The following SLC7A7 variants were observed in gnomAD, a reference collection of about 807,000 sequenced individuals.
The protein encoded by SLC7A7 is solute carrier family 7 member 7, also known as Y+L amino acid transporter 1.
In SLC7A7, 39 loss-of-function variants were observed where a neutral mutation model predicts 47.9. The observed-to-expected ratio is 0.81, with a 90% CI of 0.63 to 1.06. The LOEUF (loss-of-function observed/expected upper bound fraction) is 1.06. SLC7A7 is among the 50% of genes least tolerant of loss of function. SLC7A7 has a pLI of 0.00. For synonymous variants in SLC7A7, 234 were observed against 242.8 expected (o/e 0.96, Z 0.34); for missense variants, 588 against 632.0 (o/e 0.93, Z 0.75).
rs753674829 is a variant in SLC7A7 at position 22,806,118 on chromosome 14, CAA to C, written c.499+6780_499+6781del. 2.4e-3 allele frequency among the ~76,000 whole-genome samples: 162 copies of C among 66,222 alleles called. 1 individual carries two copies. The highest frequency in any genetic ancestry group is 4.9e-3 in the African/African-American group (72 of 14,706). 43.4% of individuals were successfully genotyped at this position (66,222 alleles called of 152,430 possible). On this transcript the variant is annotated intron_variant, in intron 2 of 9. Transcript: ENST00000674313. ...CTACTGACATAGCGAGACTCTGTCT[CAA>C]AAAAAAAAAAAAAAAAAAAACTGTA...
At chr14:22,816,932 C>A (rs1200733041), upstream of SLC7A7, among the ~76,000 whole-genome samples, 2 of 151,992 alleles carry the variant, frequency 1.3e-5, no homozygotes, top group Non-Finnish European at 1.5e-5. Context: ...GGAGGAGACT[C>A]TCCTTTTCTC....
At chr14:22,788,572 C>T (rs6572752) in intron 2 of SLC7A7, among the ~76,000 whole-genome samples, 79,042 of 151,350 alleles carry the variant, frequency 0.52, 21,436 homozygotes, top group East Asian at 0.96. Flanking sequence ...GGCGTGGTGG[C>T]GGGCACCTGT....
chr14:22,773,754 C>T, intron 9 of SLC7A7, 38 bp from the exon 10 acceptor site: 1 of 1,602,716 alleles, frequency 6.2e-7, no homozygotes, highest in Non-Finnish European at 8.5e-7. Context: ...GAGAAGAGGT[C>T]AGCTGGGCTG....
chr14:22,782,834 C>T (rs1424690809), intron 2 of SLC7A7, among the ~76,000 whole-genome samples: 1 of 151,768 alleles, frequency 6.6e-6, no homozygotes, highest in African/African-American at 2.4e-5. Context: ...GAAATCATAG[C>T]TCACTGCAGC....
intron 2 of SLC7A7, among the ~76,000 whole-genome samples, chr14:22,788,176 AC>A (rs1381586810): frequency 6.6e-6 from 1 of 152,186 alleles, no homozygotes; most frequent in Non-Finnish European, 1.5e-5. Context: ...TATTCAGCCA[AC>A]TAAGAATCTA....
At chr14:22,781,064 T>C (rs2139399224) in intron 2 of SLC7A7, among the ~76,000 whole-genome samples, 1 of 152,248 alleles carries the variant, frequency 6.6e-6, no homozygotes, top group Non-Finnish European at 1.5e-5. Flanking sequence ...AGCGAATCGC[T>C]TCATTGCTCC....
intron 4 of SLC7A7, among the ~76,000 whole-genome samples, chr14:22,777,935 C>T (rs543005800): frequency 3.3e-5 from 5 of 152,192 alleles, no homozygotes; most frequent in South Asian, 4.1e-4. Flanking sequence ...ATTAGCCAGG[C>T]GTGGTGGCAG....
At chr14:22,806,118 CAAAAA>C (rs753674829) in intron 2 of SLC7A7, among the ~76,000 whole-genome samples, 1 of 66,210 alleles carries the variant, frequency 1.5e-5, no homozygotes, top group Non-Finnish European at 2.5e-5. Context: ...GACTCTGTCT[CAAAAA>C]AAAAAAAAAA....
At chr14:22,818,552 C>T (rs1228516834), upstream of SLC7A7, among the ~76,000 whole-genome samples, 1 of 151,704 alleles carries the variant, frequency 6.6e-6, no homozygotes, top group Non-Finnish European at 1.5e-5. Flanking sequence ...CCTAGGCTCT[C>T]CCAAAGGGGC....
chr14:22,819,172 G>T (rs1296440709), upstream of SLC7A7, among the ~76,000 whole-genome samples: 1 of 152,006 alleles, frequency 6.6e-6, no homozygotes, highest in Admixed American at 6.6e-5. Context: ...CGGGGTCTTG[G>T]CTCCTCAGCC....
intron 2 of SLC7A7, among the ~76,000 whole-genome samples, chr14:22,783,414 T>TC (rs1464266287): frequency 6.8e-6 from 1 of 146,672 alleles, no homozygotes; most frequent in Non-Finnish European, 1.5e-5. Flanking sequence ...CTTTTTTTTT[T>TC]TTTTTCGAGA....
At chr14:22,776,686 A>G (rs1440209715) in intron 4 of SLC7A7, among the ~76,000 whole-genome samples, 2 of 151,964 alleles carry the variant, frequency 1.3e-5, no homozygotes, top group Non-Finnish European at 2.9e-5. Context: ...CTAGCCAAGC[A>G]GCTGGGCGTG....
At chr14:22,807,699 C>A (rs976767334) in intron 2 of SLC7A7, among the ~76,000 whole-genome samples, 2 of 152,218 alleles carry the variant, frequency 1.3e-5, no homozygotes, top group Non-Finnish European at 2.9e-5. Context: ...ACCAAACCAA[C>A]GACCTGGAAT....
upstream of SLC7A7, among the ~76,000 whole-genome samples, chr14:22,818,375 A>G (rs2039433454): frequency 6.6e-6 from 1 of 152,034 alleles, no homozygotes. Flanking sequence ...GCTGCCATGC[A>G]TTGAGAACAT....
intron 9 of SLC7A7, 92 bp from the exon 10 acceptor site, chr14:22,773,808 T>G: frequency 6.5e-7 from 1 of 1,535,570 alleles, no homozygotes; most frequent in Non-Finnish European, 9.0e-7. Context: ...GGGGAGTGAT[T>G]CCACTAAGCC....
upstream of SLC7A7, among the ~76,000 whole-genome samples, chr14:22,818,384 A>G (rs2039433596): frequency 6.6e-6 from 1 of 152,010 alleles, no homozygotes; most frequent in Non-Finnish European, 1.5e-5. Context: ...CATTGAGAAC[A>G]TGAAGACCCC....
At position 22,813,087 on chromosome 14, in the gene SLC7A7, A is replaced by G. The variant is rs1276745046; in HGVS notation, c.312T>C (p.Tyr104=). Residue 104 remains tyrosine, a synonymous_variant, in exon 2 of 10, where the codon TAT becomes TAC. Transcript: ENST00000674313. ...GTTIKKSGAS[Y]AYILEAFGGF... ...CTCCAAAGGCCTCCAGGATATAGGC[A>G]TAGCTGGCCCCAGATTTCTTAATGG... The G allele has an allele frequency of 2.5e-6, 4 of 1,614,118 alleles. No individual in the cohort carries two copies. In the African/African-American group the frequency reaches 5.3e-5, roughly 22 times the overall value.
intron 2 of SLC7A7, among the ~76,000 whole-genome samples, chr14:22,811,221 A>C (rs550378611): frequency 5.5e-4 from 84 of 152,354 alleles, no homozygotes; most frequent in African/African-American, 1.9e-3. Flanking sequence ...AAATTGAAAG[A>C]AAAAAGGACA....
chr14:22,813,542 T>C (rs1594986654), intron 1 of SLC7A7, 102 bp from the exon 2 acceptor site: 3 of 872,920 alleles, frequency 3.4e-6, no homozygotes, highest in East Asian at 5.2e-5. Context: ...CACCAACCAA[T>C]GCGGAGACCT....
Sources: gnomAD v4.1 joint callset for allele counts (sites outside exome capture counted in the v4.1 genomes callset) on GRCh38, gnomAD v4.1.1 for gene constraint, MANE v1.5 for transcripts, NCBI Gene and HGNC (gene_info 2026-07-23, HGNC 2026-07-21) for gene names.